CD109: variants seen among roughly 807,000 people sequenced by gnomAD.
CD109 encodes the protein CD109 molecule, also known as CD109 antigen.
A neutral mutation model predicts 165.8 loss-of-function variants in CD109; 149 were observed. The observed-to-expected ratio is 0.90, with a 90% CI of 0.79 to 1.03. CD109 has a LOEUF of 1.03. CD109 is among the 50% of genes least tolerant of loss of function. The probability of loss-of-function intolerance (pLI) is 0.00; values close to 1 mark genes in which losing one functional copy is unlikely to be tolerated. For missense variants in CD109, 1,712 were observed against 1,677.8 expected (o/e 1.02, Z -0.36); for synonymous variants, 585 against 592.1 (o/e 0.99, Z 0.18).
rs756411504 is a variant in CD109 at position 73,823,488 on chromosome 6, A to G, written c.4193A>G (p.Glu1398Gly). The change falls in exon 33 of 33, where the codon GAA (glutamate) becomes GGA (glycine). Residue 1398 changes from glutamate (E) to glycine (G), a missense_variant. Physicochemically the swap from Glu to Gly is moderately conservative, Grantham distance 98. Coordinates refer to ENST00000287097, the MANE Select transcript of CD109 (RefSeq NM_133493.5). ...CAGGCGGTGAGAAGTTACAACTCTGAAGTGAAGCTGTCCTCCTGTGACCTT... is the reference window on the plus strand; with the variant it reads ...CAGGCGGTGAGAAGTTACAACTCTGGAGTGAAGCTGTCCTCCTGTGACCTT... ...RRQAVRSYNS[E>G]VKLSSCDLCS... 1.9e-6 allele frequency: 3 copies of G among 1,613,212 alleles called. No individual in the cohort carries two copies. Among genetic ancestry groups the G allele is most frequent in the Non-Finnish European group, 2.5e-6 (3 of 1,179,344 alleles).
chr6:73,777,203 G>T (rs1171589331), intron 15 of CD109, among the ~76,000 whole-genome samples: 4 of 150,752 alleles, frequency 2.7e-5, no homozygotes, highest in Non-Finnish European at 4.4e-5. Flanking sequence ...CAGGTGATCT[G>T]CCTACCTTGG....
chr6:73,758,158 A>C (rs1773469233), intron 6 of CD109, among the ~76,000 whole-genome samples: 1 of 151,954 alleles, frequency 6.6e-6, no homozygotes, highest in South Asian at 2.1e-4. Context: ...ATTAGCCTTG[A>C]TTGGAGCTGA....
chr6:73,813,244 A>G (rs564200068), intron 29 of CD109, among the ~76,000 whole-genome samples: 1 of 152,284 alleles, frequency 6.6e-6, no homozygotes, highest in Non-Finnish European at 1.5e-5. Context: ...ACTAACAAAG[A>G]CCATGGGAAA....
At chr6:73,734,575 A>G (rs1378318408) in intron 4 of CD109, among the ~76,000 whole-genome samples, 2 of 152,206 alleles carry the variant, frequency 1.3e-5, no homozygotes, top group African/African-American at 4.8e-5. Context: ...CCAACTGCCC[A>G]TTACAATGCC....
intron 11 of CD109, among the ~76,000 whole-genome samples, 160 bp from the exon 12 acceptor site, chr6:73,766,599 C>G (rs1224051633): frequency 6.7e-6 from 1 of 149,908 alleles, no homozygotes; most frequent in Non-Finnish European, 1.5e-5. Flanking sequence ...ACAGTATAAG[C>G]TATAAAATGA....
intron 24 of CD109, among the ~76,000 whole-genome samples, chr6:73,804,233 C>G (rs530582731): frequency 6.6e-6 from 1 of 152,316 alleles, no homozygotes; most frequent in South Asian, 2.1e-4. Flanking sequence ...CCACATGAAA[C>G]TTTATATAAC....
chr6:73,791,190 T>TATATATATATATATAC (rs1352766740), intron 22 of CD109, among the ~76,000 whole-genome samples: 258 of 13,524 alleles, frequency 0.019, 19 homozygotes, highest in Middle Eastern at 0.045. Flanking sequence ...CACACACACA[T>TATATATATATATATAC]ACATATATAT....
intron 2 of CD109, among the ~76,000 whole-genome samples, chr6:73,698,304 A>G (rs887397390): frequency 6.6e-6 from 1 of 152,096 alleles, no homozygotes; most frequent in Non-Finnish European, 1.5e-5. Context: ...TACTTAAAAC[A>G]TTTTTCATTA....
Position 73,787,282 on chromosome 6 carries a change from T to G in CD109, c.2386T>G (p.Ser796Ala), listed in dbSNP as rs74352214. ...TGACAAATTTGATATTCTAATGACT[T>G]CAAATGAAATAAATGCCACAGGCCA... The part of the protein sequence containing the change: ...KSDKFDILMT[S>A]NEINATGHQQ... The change falls in exon 21 of 33, where the codon TCA (serine) becomes GCA (alanine). Residue 796 changes from serine (S) to alanine (A), a missense_variant. Ser to Ala is a moderately conservative substitution (Grantham distance 99). Transcript: ENST00000287097. The G allele has an allele frequency of 1.8e-4, 289 of 1,613,932 alleles. No homozygotes were observed. The African/African-American group carries it at 3.3e-3, about 18-fold the overall frequency.
At chr6:73,799,240 T>A (rs1033610670) in intron 23 of CD109, among the ~76,000 whole-genome samples, 7 of 152,224 alleles carry the variant, frequency 4.6e-5, no homozygotes, top group African/African-American at 1.7e-4. Context: ...GTAGTGATAA[T>A]GCCTATCATT....
intron 10 of CD109, among the ~76,000 whole-genome samples, 158 bp from the exon 11 acceptor site, chr6:73,765,772 T>C (rs180811280): frequency 8.5e-5 from 13 of 152,312 alleles, no homozygotes; most frequent in African/African-American, 2.9e-4. Flanking sequence ...TAATCAGTGA[T>C]GTTGGATGCC....
Position 73,782,618 on chromosome 6 carries a change from CAA to C in CD109, c.1969_1970del (p.Asn657CysfsTer5). 5 of 1,611,958 alleles carry C rather than the reference CAA, an allele frequency of 3.1e-6. No homozygotes were observed. Among genetic ancestry groups the C allele is most frequent in the Non-Finnish European group, 4.2e-6 (5 of 1,178,622 alleles). ...TKDYIDGVYD[N>X]AEYAERFMEE... ...ACTGTCAATGTTTATTTATAGATGA[CAA>C]TGCAGAATATGCTGAGAGGTTTATG... On this transcript the variant is annotated frameshift_variant, in exon 18 of 33. Transcript: ENST00000287097. LOFTEE classifies it high-confidence loss of function.
At chr6:73,723,860 A>T (rs941315849) in intron 3 of CD109, among the ~76,000 whole-genome samples, 1 of 152,120 alleles carries the variant, frequency 6.6e-6, no homozygotes. Flanking sequence ...TTACCTATGT[A>T]ACAAACCTGC....
intron 2 of CD109, among the ~76,000 whole-genome samples, chr6:73,716,764 CAGA>C (rs556458466): frequency 1.6e-4 from 24 of 152,180 alleles, no homozygotes; most frequent in Admixed American, 4.6e-4. Flanking sequence ...CTTTATTGCG[CAGA>C]AGCTTTTTAA....
chr6:73,787,798 T>C (rs557853448), intron 21 of CD109, among the ~76,000 whole-genome samples: 1 of 152,256 alleles, frequency 6.6e-6, no homozygotes, highest in Non-Finnish European at 1.5e-5. Context: ...AAAAGAGATT[T>C]TGTAGATTTT....
chr6:73,750,943 G>A (rs139180037), intron 5 of CD109, among the ~76,000 whole-genome samples: 105 of 121,836 alleles, frequency 8.6e-4, no homozygotes, highest in African/African-American at 3.4e-3. Context: ...TGTCATGTTC[G>A]GTTACTTTCA....
intron 5 of CD109, among the ~76,000 whole-genome samples, chr6:73,745,938 C>T (rs1772968525): frequency 1.3e-5 from 2 of 152,204 alleles, no homozygotes; most frequent in Admixed American, 1.3e-4. Context: ...CCACATTGGC[C>T]AGGCTGGTCT....
In CD109 at chr6:73,729,486, CTATTGT is replaced by C. The variant is rs1169263381; in HGVS notation, c.277-853_277-848del. On this transcript the variant is annotated intron_variant, in intron 3 of 32. Coordinates refer to ENST00000287097, the MANE Select transcript of CD109 (RefSeq NM_133493.5). Reference sequence around the variant, plus strand: ...CTGCTAATGCTAGAAGGTAGGACTTCTATTGTTATTATTATTATTATTATTATTATT... The same window carrying C: ...CTGCTAATGCTAGAAGGTAGGACTTCTATTATTATTATTATTATTATTATT... 5.7e-4 allele frequency among the ~76,000 whole-genome samples: 75 copies of C among 131,848 alleles called. 1 individual carries two copies. In the Admixed American group the frequency reaches 5.8e-3, roughly 10 times the overall value. 86.5% of individuals were successfully genotyped at this position (131,848 alleles called of 152,430 possible).
intron 3 of CD109, among the ~76,000 whole-genome samples, chr6:73,727,737 A>G (rs1439778688): frequency 6.6e-6 from 1 of 152,226 alleles, no homozygotes; most frequent in African/African-American, 2.4e-5. Flanking sequence ...AATGATAAAC[A>G]TATCAAATCA....
Sources: allele counts gnomAD v4.1 joint callset (sites outside exome capture counted in the v4.1 genomes callset), GRCh38; gene constraint gnomAD v4.1.1; transcripts MANE v1.5; gene names NCBI Gene and HGNC (gene_info 2026-07-23, HGNC 2026-07-21).